CD247: variants seen among roughly 807,000 people sequenced by gnomAD.
The protein encoded by CD247 is T-cell surface glycoprotein CD3 zeta chain.
A neutral mutation model predicts 30.0 loss-of-function variants in CD247; 13 were observed. The ratio of observed to expected loss-of-function variants is 0.43; its 90% CI spans 0.28 to 0.69. The LOEUF (loss-of-function observed/expected upper bound fraction) is 0.69. Ranked by LOEUF, CD247 falls within the 30% of genes least tolerant of loss-of-function variation. The pLI, the probability that CD247 is intolerant of heterozygous loss-of-function variation, is 0.16. For missense variants in CD247, 193 were observed against 212.6 expected (o/e 0.91, Z 0.57); for synonymous variants, 72 against 80.0 (o/e 0.90, Z 0.53).
chr1:167,462,439 C>G (rs1653063395), intron 1 of CD247, among the ~76,000 whole-genome samples: 1 of 152,224 alleles, frequency 6.6e-6, no homozygotes, highest in African/African-American at 2.4e-5. Context: ...TCCTATGGCT[C>G]TCCTCGACAC....
At chr1:167,483,133 C>A (rs1256024162) in intron 1 of CD247, among the ~76,000 whole-genome samples, 1 of 151,884 alleles carries the variant, frequency 6.6e-6, no homozygotes, top group Admixed American at 6.6e-5. Context: ...CTCAGCCTCC[C>A]GAGTAGCTGG....
intron 1 of CD247, among the ~76,000 whole-genome samples, chr1:167,487,227 A>T (rs1159187819): frequency 6.6e-6 from 1 of 151,030 alleles, no homozygotes; most frequent in Admixed American, 6.6e-5. Flanking sequence ...AAATACAAAA[A>T]TTAGCCAGGC....
At chr1:167,463,257 C>T (rs934049313) in intron 1 of CD247, among the ~76,000 whole-genome samples, 1 of 152,172 alleles carries the variant, frequency 6.6e-6, no homozygotes, top group African/African-American at 2.4e-5. Flanking sequence ...GGCCAGCAAG[C>T]CTTTCTTAGT....
At chr1:167,489,018 T>C (rs1434870950) in intron 1 of CD247, among the ~76,000 whole-genome samples, 4 of 151,988 alleles carry the variant, frequency 2.6e-5, no homozygotes, top group Admixed American at 2.0e-4. Flanking sequence ...CCACACCTCG[T>C]GGAGAGGTAA....
chr1:167,488,352 G>A (rs1484948698), intron 1 of CD247, among the ~76,000 whole-genome samples: 1 of 152,262 alleles, frequency 6.6e-6, no homozygotes, highest in Non-Finnish European at 1.5e-5. Flanking sequence ...AAGGATGATT[G>A]CAATGGGGTC....
intron 1 of CD247, among the ~76,000 whole-genome samples, chr1:167,448,893 G>C (rs554656465): frequency 4.6e-5 from 7 of 151,990 alleles, no homozygotes; most frequent in Non-Finnish European, 7.4e-5. Context: ...TTTTTAAAAA[G>C]TACCACAGCC....
Position 167,435,244 on chromosome 1 carries a change from T to A in CD247, c.336+155A>T, listed in dbSNP as rs1571508321. The A allele has an allele frequency of 2.2e-6, 1 of 453,812 alleles. No homozygotes were observed. The highest frequency in any genetic ancestry group is 5.2e-5 in the East Asian group (1 of 19,054). 28.1% of individuals were successfully genotyped at this position (453,812 alleles called of 1,614,324 possible). On this transcript the variant is annotated intron_variant, in intron 5 of 7. Coordinates refer to ENST00000362089, the MANE Select transcript of CD247 (RefSeq NM_198053.3). Reference sequence around the variant, plus strand: ...TCCTCCGGAGCCCTCCTCCAGCCCTTCCTCCAGCCCTTCCTCCGGAGCCCT... The same window carrying A: ...TCCTCCGGAGCCCTCCTCCAGCCCTACCTCCAGCCCTTCCTCCGGAGCCCT...
intron 1 of CD247, among the ~76,000 whole-genome samples, chr1:167,495,732 C>T (rs1321662630): frequency 6.6e-6 from 1 of 152,174 alleles, no homozygotes; most frequent in Non-Finnish European, 1.5e-5. Context: ...TCACTCATAC[C>T]ACCTCTTTGC....
chr1:167,438,217 T>C (rs1022506260), intron 4 of CD247, among the ~76,000 whole-genome samples: 1 of 152,286 alleles, frequency 6.6e-6, no homozygotes, highest in East Asian at 1.9e-4. Context: ...CCAGGGGTCT[T>C]GGGCCCTTCC....
intron 7 of CD247, among the ~76,000 whole-genome samples, 190 bp downstream of exon 7, chr1:167,432,834 G>T (rs1651336821): frequency 6.6e-6 from 1 of 152,232 alleles, no homozygotes; most frequent in African/African-American, 2.4e-5. Context: ...CGCTTGAATG[G>T]CCAAGTCCCA....
intron 1 of CD247, among the ~76,000 whole-genome samples, chr1:167,483,145 G>T (rs761232611): frequency 6.6e-6 from 1 of 151,896 alleles, no homozygotes; most frequent in Non-Finnish European, 1.5e-5. Context: ...AGTAGCTGGA[G>T]TTATAGGCAT....
chr1:167,465,327 CTTTT>C (rs765176193), intron 1 of CD247, among the ~76,000 whole-genome samples: 1 of 115,344 alleles, frequency 8.7e-6, no homozygotes. Flanking sequence ...TTTTCTTTTT[CTTTT>C]TTTTTTTTTT....
intron 1 of CD247, among the ~76,000 whole-genome samples, chr1:167,465,825 C>T (rs538090963): frequency 6.6e-6 from 1 of 152,340 alleles, no homozygotes; most frequent in East Asian, 1.9e-4. Flanking sequence ...ACTGGCCATG[C>T]CCCCTCCATA....
At chr1:167,451,797 C>T (rs1490972088) in intron 1 of CD247, among the ~76,000 whole-genome samples, 1 of 152,184 alleles carries the variant, frequency 6.6e-6, no homozygotes, top group Non-Finnish European at 1.5e-5. Context: ...TCCAATATGA[C>T]TCGTGTCCTT....
chr1:167,431,788 G>T (rs1318665408), intron 7 of CD247, 42 bp from the exon 8 acceptor site: 19 of 1,573,760 alleles, frequency 1.2e-5, no homozygotes, highest in Non-Finnish European at 1.7e-5. Flanking sequence ...TGGGTCAGTA[G>T]CCTGTGTGGG....
chr1:167,503,222 C>G (rs1233714626), intron 1 of CD247, among the ~76,000 whole-genome samples: 1 of 152,164 alleles, frequency 6.6e-6, no homozygotes, highest in African/African-American at 2.4e-5. Flanking sequence ...CCCCCTGGGG[C>G]ATTTGTCATC....
At chr1:167,449,641 G>A (rs914542926) in intron 1 of CD247, among the ~76,000 whole-genome samples, 6 of 152,038 alleles carry the variant, frequency 3.9e-5, no homozygotes, top group Non-Finnish European at 2.9e-5. Context: ...AACTTTCCAC[G>A]GGCAGGTGCA....
intron 4 of CD247, 46 bp from the exon 5 acceptor site, chr1:167,435,480 C>T (rs1198921154): frequency 6.5e-7 from 1 of 1,531,718 alleles, no homozygotes; most frequent in South Asian, 1.1e-5. Context: ...AAACACAAAC[C>T]CAAGCCATGA....
At chr1:167,506,780 A>T (rs1023958483) in intron 1 of CD247, among the ~76,000 whole-genome samples, 4 of 152,152 alleles carry the variant, frequency 2.6e-5, no homozygotes, top group African/African-American at 9.7e-5. Flanking sequence ...AAAATCTTAC[A>T]TTATCTTGAA....
Sources: gnomAD v4.1 joint callset for allele counts (sites outside exome capture counted in the v4.1 genomes callset) on GRCh38, gnomAD v4.1.1 for gene constraint, MANE v1.5 for transcripts, NCBI Gene and HGNC (gene_info 2026-07-23, HGNC 2026-07-21) for gene names.